Variants in UNC5A observed in about 807,000 individuals in gnomAD.
UNC5A encodes the protein netrin receptor UNC5A.
UNC5A carries 20 observed loss-of-function variants against 87.4 expected under a neutral mutation model. The ratio of observed to expected loss-of-function variants is 0.23; its 90% CI spans 0.16 to 0.33. UNC5A has a LOEUF of 0.33. Ranked by LOEUF, UNC5A falls within the 10% of genes least tolerant of loss-of-function variation. The pLI is 1.00. For missense variants in UNC5A, 844 were observed against 1,133.4 expected, an observed-to-expected ratio of 0.74 and a Z score of 3.67; for synonymous variants, 438 against 482.3, an observed-to-expected ratio of 0.91 and a Z score of 1.20.
rs1344325548 is a variant in UNC5A, at chr5:176,844,915, C to T, written c.71-17709C>T. On this transcript the variant is annotated intron_variant, in intron 1 of 14. Coordinates refer to ENST00000329542, the MANE Select transcript of UNC5A (RefSeq NM_133369.3). The surrounding 1 kb of genome is among the most constrained non-coding windows in gnomAD (Gnocchi z 4.2). ...AGCAGTTCCACACTTGGGTCTGCAG[C>T]AGGGTGGGTTGGTGGCTCGCAGCTT... 6.6e-6 allele frequency among the ~76,000 whole-genome samples: 1 copy of T among 152,188 alleles called. No individual in the cohort carries two copies. Among genetic ancestry groups the T allele is most frequent in the Non-Finnish European group, 1.5e-5 (1 of 68,028 alleles).
At chr5:176,873,555 A>T (rs1205100421) in intron 6 of UNC5A, among the ~76,000 whole-genome samples, 1 of 152,164 alleles carries the variant, frequency 6.6e-6, no homozygotes, top group Non-Finnish European at 1.5e-5. Flanking sequence ...ACTGACCTGG[A>T]ACCACACAGG....
At chr5:176,825,261 G>C (rs1756824665) in intron 1 of UNC5A, among the ~76,000 whole-genome samples, 1 of 152,206 alleles carries the variant, frequency 6.6e-6, no homozygotes, top group Non-Finnish European at 1.5e-5. Flanking sequence ...GTGGAAAGGA[G>C]GATTCAGGGG....
intron 1 of UNC5A, among the ~76,000 whole-genome samples, chr5:176,819,814 G>C (rs1273287220): frequency 6.6e-6 from 1 of 152,220 alleles, no homozygotes; most frequent in Non-Finnish European, 1.5e-5. Context: ...TCAGCTTCTT[G>C]TCCACCAAGA....
intron 1 of UNC5A, among the ~76,000 whole-genome samples, chr5:176,840,293 C>G (rs1757244743): frequency 6.6e-6 from 1 of 151,992 alleles, no homozygotes; most frequent in Non-Finnish European, 1.5e-5. Context: ...AGCAGAGTGT[C>G]AGAGAGAGGA....
intron 1 of UNC5A, among the ~76,000 whole-genome samples, chr5:176,813,797 C>G (rs73340024): frequency 0.035 from 5,324 of 152,340 alleles, 232 homozygotes; most frequent in African/African-American, 0.1. Context: ...CGAGGCTTCA[C>G]AAGGCAGGAG....
rs1231186385 is a variant in UNC5A, at chr5:176,841,193, C to G, written c.71-21431C>G. On this transcript the variant is annotated intron_variant, in intron 1 of 14. Transcript: ENST00000329542. This position sits in a 1 kb window ranked among gnomAD's most constrained non-coding sequence, Gnocchi z 4.1. ...TCACGAGCTAAAGTTGCAGGGGGCACCAGATGTCTGTTCTAATTTATTTCC... is the reference window on the plus strand; with the variant it reads ...TCACGAGCTAAAGTTGCAGGGGGCAGCAGATGTCTGTTCTAATTTATTTCC... 6.6e-6 allele frequency among the ~76,000 whole-genome samples: 1 copy of G among 152,200 alleles called. No individual in the cohort carries two copies. Among genetic ancestry groups the G allele is most frequent in the East Asian group, 1.9e-4 (1 of 5,202 alleles).
At chr5:176,830,629 TGTGTGC>T (rs1756982816) in intron 1 of UNC5A, among the ~76,000 whole-genome samples, 1 of 142,566 alleles carries the variant, frequency 7.0e-6, no homozygotes, top group Non-Finnish European at 1.5e-5. Context: ...GGCGTGTGTG[TGTGTGC>T]GCTGGCGTGT....
intron 9 of UNC5A, 78 bp downstream of exon 9, chr5:176,877,357 C>T: frequency 7.0e-7 from 1 of 1,431,840 alleles, no homozygotes; most frequent in Admixed American, 1.9e-5. Flanking sequence ...CCCCTGCCCA[C>T]CCACTGTTGT....
intron 1 of UNC5A, among the ~76,000 whole-genome samples, chr5:176,842,170 C>T (rs1757292548): frequency 6.6e-6 from 1 of 152,356 alleles, no homozygotes; most frequent in East Asian, 1.9e-4. Flanking sequence ...GCACTCCAGC[C>T]TGGATGATAG....
chr5:176,867,070 T>A (rs1052137181), intron 2 of UNC5A, among the ~76,000 whole-genome samples: 5 of 152,174 alleles, frequency 3.3e-5, no homozygotes, highest in Non-Finnish European at 5.9e-5. Context: ...GGGCGGCCGC[T>A]CTTCCCGCAA....
At position 176,838,246 on chromosome 5, in the gene UNC5A, CAGATGGTATTTT is replaced by C. The variant is rs1213199456; in HGVS notation, c.71-24375_71-24364del. 6.6e-6 allele frequency among the ~76,000 whole-genome samples: 1 copy of C among 152,156 alleles called. No homozygotes were observed. The highest frequency in any genetic ancestry group is 1.5e-5 in the Non-Finnish European group (1 of 68,022). On this transcript the variant is annotated intron_variant, in intron 1 of 14. Transcript: ENST00000329542. The surrounding 1 kb of genome is among the most constrained non-coding windows in gnomAD (Gnocchi z 4.2). ...AAGTAGGGATTGGTGAGGCCTAATT[CAGATGGTATTTT>C]AGGATTTTAGGAAGCCACTCCCCTG...
intron 1 of UNC5A, among the ~76,000 whole-genome samples, chr5:176,831,883 C>CTTTT (rs1285414321): frequency 1.0e-4 from 12 of 115,312 alleles, no homozygotes; most frequent in African/African-American, 4.4e-4. Flanking sequence ...CTTTCTCTCT[C>CTTTT]TCTTTTTTTT....
chr5:176,834,604 A>G (rs1332426442), intron 1 of UNC5A, among the ~76,000 whole-genome samples: 2 of 151,150 alleles, frequency 1.3e-5, no homozygotes, highest in Non-Finnish European at 2.9e-5. Context: ...AGACATATTT[A>G]CCTAGTGGCA....
At chr5:176,849,800 C>A (rs535612582) in intron 1 of UNC5A, among the ~76,000 whole-genome samples, 1 of 152,344 alleles carries the variant, frequency 6.6e-6, no homozygotes, top group East Asian at 1.9e-4. Flanking sequence ...TGATGCCCAA[C>A]TGAGGGCTGT....
rs959549488 is a variant in UNC5A at position 176,824,809 on chromosome 5, C to T, written c.70+13989C>T. On this transcript the variant is annotated intron_variant, in intron 1 of 14. Transcript: ENST00000329542. The surrounding 1 kb of genome is among the most constrained non-coding windows in gnomAD (Gnocchi z 4.2). ...TGTGTGCCCCCTGCTCTGTGTACCCCCTACCTTGTGTACTCTCTGTCCCAG... is the reference window on the plus strand; with the variant it reads ...TGTGTGCCCCCTGCTCTGTGTACCCTCTACCTTGTGTACTCTCTGTCCCAG... Among the ~76,000 whole-genome samples the T allele has an allele frequency of 6.7e-6, 1 of 150,030 alleles. No homozygotes were observed. The highest frequency in any genetic ancestry group is 1.5e-5 in the Non-Finnish European group (1 of 67,340).
chr5:176,877,137 G>A lies in UNC5A; in HGVS notation c.1379-55G>A, dbSNP rs193212937. On this transcript the variant is annotated intron_variant, in intron 8 of 14. Transcript: ENST00000329542. ...AGGCTCCTGGAGGGGCTGTGTGGTG[G>A]GGTGTTGGGTGCTTTGGCAGTGGGT... 1.5e-5 allele frequency: 21 copies of A among 1,381,934 alleles called. No homozygotes were observed. In the East Asian group the frequency reaches 4.6e-4, roughly 30 times the overall value. 85.6% of individuals were successfully genotyped at this position (1,381,934 alleles called of 1,614,324 possible).
At chr5:176,811,252 G>C (rs2113571371) in intron 1 of UNC5A, among the ~76,000 whole-genome samples, 1 of 152,306 alleles carries the variant, frequency 6.6e-6, no homozygotes. Context: ...GGTAGCATCT[G>C]CCCTAAACAG....
In UNC5A at chr5:176,877,193, A is replaced by G; in HGVS notation, c.1380A>G (p.Gly460=). The G allele has an allele frequency of 6.2e-7, 1 of 1,611,240 alleles. No homozygotes were observed. The highest frequency in any genetic ancestry group is 8.5e-7 in the Non-Finnish European group (1 of 1,178,360). ...CTGGCCCTCTTCCTGCCGTTCCAGG[A>G]ATCAGCCTCCTCATCCCCCCAGATG... The part of the protein sequence containing the change: ...LGGRLMIPNT[G]ISLLIPPDAI... The change falls in exon 9 of 15, where the codon GGA becomes GGG. Residue 460 remains glycine (G), a splice_region_variant and synonymous_variant. Transcript: ENST00000329542.
rs690818 is a variant in UNC5A, at chr5:176,844,529, T to C, written c.71-18095T>C. On this transcript the variant is annotated intron_variant, in intron 1 of 14. Coordinates refer to ENST00000329542, the MANE Select transcript of UNC5A (RefSeq NM_133369.3). This position sits in a 1 kb window ranked among gnomAD's most constrained non-coding sequence, Gnocchi z 4.2. ...TACAGCAGGTTGGTGAGGGAAGGTC[T>C]GATGGGGACTTAGCCGCACTGTGCC... Among the ~76,000 whole-genome samples the C allele has an allele frequency of 0.14, 21,912 of 152,176 alleles. 4,536 individuals carry two copies. The highest frequency in any genetic ancestry group is 0.46 in the African/African-American group (19,129 of 41,456).
Sources: allele counts gnomAD v4.1 joint callset (sites outside exome capture counted in the v4.1 genomes callset), GRCh38; gene constraint gnomAD v4.1.1; non-coding constraint Gnocchi (gnomAD v3.1); transcripts MANE v1.5; gene names NCBI Gene and HGNC (gene_info 2026-07-23, HGNC 2026-07-21).